The following ISM1 variants were observed in gnomAD, a reference collection of about 807,000 sequenced individuals.
ISM1 encodes isthmin 1.
In ISM1, 25 loss-of-function variants were observed where a neutral mutation model predicts 46.3. That is an observed-to-expected ratio of 0.54 (90% CI 0.39 to 0.75). The LOEUF (loss-of-function observed/expected upper bound fraction) is 0.75, where lower values mean the gene tolerates loss of function less well. Among genes scored for constraint, ISM1 ranks in the 30% least tolerant of loss-of-function variants. ISM1 has a pLI of 0.00. For synonymous variants in ISM1, 255 were observed against 256.7 expected (o/e 0.99, Z 0.06); for missense variants, 536 against 625.4 (o/e 0.86, Z 1.52).
At chr20:13,276,033 G>A (rs890548403) in intron 2 of ISM1, among the ~76,000 whole-genome samples, 5 of 152,228 alleles carry the variant, frequency 3.3e-5, no homozygotes, top group Admixed American at 1.3e-4. Flanking sequence ...GCAGGTGTGA[G>A]AAGAGGGAAT....
At chr20:13,261,876 C>G (rs1316679715) in intron 1 of ISM1, among the ~76,000 whole-genome samples, 1 of 152,188 alleles carries the variant, frequency 6.6e-6, no homozygotes, top group Middle Eastern at 3.2e-3. Flanking sequence ...GGCTTAATTT[C>G]CAGGTTCTCC....
intron 4 of ISM1, 80 bp downstream of exon 4, chr20:13,288,763 T>C: frequency 1.4e-6 from 2 of 1,416,686 alleles, no homozygotes; most frequent in Non-Finnish European, 1.9e-6. Flanking sequence ...TGACATTGTC[T>C]TTTTAAAAGA....
intron 1 of ISM1, among the ~76,000 whole-genome samples, chr20:13,236,331 A>G (rs1310730263): frequency 1.3e-5 from 2 of 152,194 alleles, no homozygotes; most frequent in African/African-American, 4.8e-5. Context: ...ATGCTGGGAT[A>G]TTCATTGAGT....
chr20:13,326,284 C>T, the ISM1 span, among the ~76,000 whole-genome samples: 2 of 152,074 alleles, frequency 1.3e-5, no homozygotes, highest in Non-Finnish European at 2.9e-5. Context: ...CATTTATGTA[C>T]AGATTTTTAT....
chr20:13,298,208 C>T (rs1347675361), intron 5 of ISM1, among the ~76,000 whole-genome samples: 7 of 152,136 alleles, frequency 4.6e-5, no homozygotes, highest in Non-Finnish European at 8.8e-5. Flanking sequence ...CAGGTTCAAG[C>T]GATTCTCCTG....
chr20:13,232,095 C>A (rs549204224), intron 1 of ISM1, among the ~76,000 whole-genome samples: 39 of 152,294 alleles, frequency 2.6e-4, no homozygotes, highest in African/African-American at 8.9e-4. Flanking sequence ...TCACAGGTAA[C>A]CCTGGGAGAT....
chr20:13,318,477 G>C, the ISM1 span, among the ~76,000 whole-genome samples: 30 of 152,158 alleles, frequency 2.0e-4, no homozygotes, highest in Non-Finnish European at 2.8e-4. Flanking sequence ...GTGCTGCTTG[G>C]TATTTACCCA....
chr20:13,256,889 T>C (rs915881523), intron 1 of ISM1, among the ~76,000 whole-genome samples: 2 of 152,042 alleles, frequency 1.3e-5, no homozygotes, highest in African/African-American at 4.8e-5. Context: ...AAGGCTGGCA[T>C]GGAGAGGACA....
intron 1 of ISM1, among the ~76,000 whole-genome samples, chr20:13,229,071 C>T (rs2039559883): frequency 6.6e-6 from 1 of 152,012 alleles, no homozygotes; most frequent in Non-Finnish European, 1.5e-5. Context: ...CTTTTTCTTT[C>T]CCTTTCTTTC....
intron 1 of ISM1, among the ~76,000 whole-genome samples, chr20:13,265,785 C>T (rs918672069): frequency 6.6e-6 from 1 of 152,138 alleles, no homozygotes; most frequent in East Asian, 1.9e-4. Flanking sequence ...CAAGAGGGCA[C>T]ATTGCTACTG....
chr20:13,260,825 G>A (rs1262289128), intron 1 of ISM1, among the ~76,000 whole-genome samples: 1 of 152,184 alleles, frequency 6.6e-6, no homozygotes, highest in African/African-American at 2.4e-5. Context: ...AACCCGCAAG[G>A]ATTTATTATT....
rs754803798 is a variant in ISM1 at position 13,279,812 on chromosome 20, A to G, written c.557A>G (p.Asp186Gly). ...QDYKYDSTSD[D>G]SNFLNPPRGW... ...TACAAGTACGACAGTACCTCAGACG[A>G]CAGCAACTTCCTCAACCCCCCCAGG... The change falls in exon 3 of 6, where the codon GAC becomes GGC. Residue 186 changes from aspartate (D) to glycine (G), a missense_variant. This residue lies in a region of ISM1 where 367 missense variants were observed against 376.1 expected (regional missense o/e 0.98). Coordinates refer to ENST00000262487, the MANE Select transcript of ISM1 (RefSeq NM_080826.2). 20 of 1,613,904 alleles carry G rather than the reference A, an allele frequency of 1.2e-5. No individual in the cohort carries two copies. Among genetic ancestry groups the G allele is most frequent in the Non-Finnish European group, 1.4e-5 (16 of 1,179,892 alleles).
intron 1 of ISM1, among the ~76,000 whole-genome samples, chr20:13,256,395 C>CAAAAAAAAAAAAAAAAAAAAAAA (rs559300861): frequency 1.4e-5 from 1 of 71,802 alleles, no homozygotes; most frequent in Non-Finnish European, 2.8e-5. Flanking sequence ...GACCCCGTCT[C>CAAAAAAAAAAAAAAAAAAAAAAA]AAAAAAAAAA....
At chr20:13,294,527 G>A (rs537239799) in intron 5 of ISM1, among the ~76,000 whole-genome samples, 2 of 152,302 alleles carry the variant, frequency 1.3e-5, no homozygotes, top group South Asian at 4.1e-4. Flanking sequence ...CAGCCCAGAT[G>A]CACAAAGCCA....
chr20:13,230,626 C>A (rs977003157), intron 1 of ISM1, among the ~76,000 whole-genome samples: 13 of 151,894 alleles, frequency 8.6e-5, no homozygotes, highest in Non-Finnish European at 1.0e-4. Context: ...CTAAGAGTGT[C>A]CCTCTGTCTC....
intron 1 of ISM1, among the ~76,000 whole-genome samples, chr20:13,261,155 C>T (rs1289570163): frequency 5.9e-5 from 9 of 152,070 alleles, no homozygotes; most frequent in Non-Finnish European, 8.8e-5. Flanking sequence ...GGCTCATGCC[C>T]GTAATCCCAG....
chr20:13,270,985 T>C (rs1453728598), intron 2 of ISM1, among the ~76,000 whole-genome samples: 4 of 152,092 alleles, frequency 2.6e-5, no homozygotes, highest in Non-Finnish European at 5.9e-5. Context: ...AATTAAAGTA[T>C]GACACACCAA....
the ISM1 span, among the ~76,000 whole-genome samples, chr20:13,323,007 C>T: frequency 6.6e-6 from 1 of 152,076 alleles, no homozygotes; most frequent in African/African-American, 2.4e-5. Flanking sequence ...AGGCAGAAAA[C>T]GCCACAGTCC....
the ISM1 span, among the ~76,000 whole-genome samples, chr20:13,318,413 GT>G: frequency 6.6e-6 from 1 of 152,072 alleles, no homozygotes; most frequent in Admixed American, 6.5e-5. Context: ...TTGGAAGACA[GT>G]TTGATGTTTG....
Sources: allele counts gnomAD v4.1 joint callset (sites outside exome capture counted in the v4.1 genomes callset), GRCh38; gene constraint gnomAD v4.1.1; regional missense constraint gnomAD v4.1.1; transcripts MANE v1.5; gene names NCBI Gene and HGNC (gene_info 2026-07-23, HGNC 2026-07-21).